The following CCNL1 variants were observed in gnomAD, a reference collection of about 807,000 sequenced individuals.
CCNL1 encodes the protein cyclin L1.
CCNL1 carries 13 observed loss-of-function variants against 60.6 expected under a neutral mutation model. The ratio of observed to expected loss-of-function variants is 0.21; its 90% confidence interval spans 0.14 to 0.34. The LOEUF (loss-of-function observed/expected upper bound fraction) is 0.34. Among genes scored for constraint, CCNL1 ranks in the 10% least tolerant of loss-of-function variants. The probability of loss-of-function intolerance (pLI) is 1.00; values close to 1 mark genes in which losing one functional copy is unlikely to be tolerated. For missense variants in CCNL1, 481 were observed against 664.3 expected, an observed-to-expected ratio of 0.72 and a Z score of 3.03; for synonymous variants, 270 against 244.3, an observed-to-expected ratio of 1.10 and a Z score of -0.98.
At chr3:157,151,121 T>A in intron 5 of CCNL1, 1 of 985,046 alleles carries the variant, frequency 1.0e-6, no homozygotes. Context: ...TCCTAAACCA[T>A]GAGAACTGCT....
chr3:157,154,604 CT>C (rs1159931789), intron 3 of CCNL1: 1 of 152,178 alleles, frequency 6.6e-6, no homozygotes, highest in African/African-American at 2.4e-5. Context: ...TTCATTACCC[CT>C]ATGGTAACAT....
downstream of CCNL1, chr3:157,146,581 C>A (rs540748234): frequency 1.2e-5 from 5 of 430,768 alleles, no homozygotes; most frequent in African/African-American, 8.5e-5. Context: ...TCGTGACCGA[C>A]CTGGGCAACG....
chr3:157,149,428 A>G, intron 9 of CCNL1, 43 bp from the exon 10 acceptor site: 1 of 1,604,774 alleles, frequency 6.2e-7, no homozygotes, highest in Non-Finnish European at 8.5e-7. Flanking sequence ...TTAGTGTGTT[A>G]AAAAGTAAAC....
chr3:157,150,528 ACTC>A, intron 5 of CCNL1, 147 bp from the exon 6 acceptor site: 2 of 1,384,556 alleles, frequency 1.4e-6, no homozygotes, highest in South Asian at 1.7e-5. Context: ...ACAACTCTTA[ACTC>A]AAAAAAATCA....
intron 2 of CCNL1, 49 bp from the exon 3 acceptor site, chr3:157,159,024 T>G (rs751280466): frequency 1.6e-6 from 2 of 1,248,612 alleles, no homozygotes; most frequent in African/African-American, 1.5e-5. Flanking sequence ...TAAACTCACT[T>G]TGAAGAATAA....
At chr3:157,154,716 CAAGAT>C (rs1467247844) in intron 3 of CCNL1, 1 of 152,032 alleles carries the variant, frequency 6.6e-6, no homozygotes, top group Non-Finnish European at 1.5e-5. Flanking sequence ...GCAGCGCTGA[CAAGAT>C]AAAAGACAGC....
rs1204172508 is a variant in CCNL1 at position 157,149,879 on chromosome 3, T to A, written c.978A>T (p.Pro326=). 6.2e-7 allele frequency: 1 copy of A among 1,614,048 alleles called. No homozygotes were observed. The highest frequency in any genetic ancestry group is 1.3e-5 in the African/African-American group (1 of 74,942). Residue 326 remains proline, a synonymous_variant, in exon 8 of 11, where the codon CCA becomes CCT. Transcript: ENST00000295926. ...AAAATCCACCCAGGGTTGAAAGGGCTGGAGTTCCATCCGGATTCAATCCCT... is the reference window on the plus strand; with the variant it reads ...AAAATCCACCCAGGGTTGAAAGGGCAGGAGTTCCATCCGGATTCAATCCCT... ...KAKGLNPDGT[P]ALSTLGGFSP...
intron 1 of CCNL1, 58 bp from the exon 2 acceptor site, chr3:157,159,537 C>T: frequency 6.7e-7 from 1 of 1,498,030 alleles, no homozygotes; most frequent in Non-Finnish European, 9.2e-7. Context: ...CTCCAGGCGC[C>T]GCCGCCATTT....
chr3:157,154,853 G>A (rs554108016), intron 3 of CCNL1, among the ~76,000 whole-genome samples: 1 of 152,134 alleles, frequency 6.6e-6, no homozygotes, highest in Non-Finnish European at 1.5e-5. Flanking sequence ...ATTTTATCAG[G>A]ACAGTAGGCT....
At chr3:157,156,943 T>C in intron 3 of CCNL1, 1 of 1,289,830 alleles carries the variant, frequency 7.8e-7, no homozygotes, top group South Asian at 1.2e-5. Context: ...AACCTGTTAG[T>C]CCCCGATTCC....
At chr3:157,156,687 T>C (rs994678090) in intron 3 of CCNL1, among the ~76,000 whole-genome samples, 3 of 152,224 alleles carry the variant, frequency 2.0e-5, no homozygotes, top group African/African-American at 7.2e-5. Context: ...ATGAATAATG[T>C]ATCTCCACTG....
intron 8 of CCNL1, 95 bp from the exon 9 acceptor site, chr3:157,149,691 T>A (rs1204531037): frequency 6.8e-7 from 1 of 1,465,764 alleles, no homozygotes; most frequent in Non-Finnish European, 9.3e-7. Context: ...ATGCTTCCGC[T>A]TCCATGTTGG....
At chr3:157,149,800 TG>T (rs770940911) in intron 8 of CCNL1, 35 bp downstream of exon 8, 1 of 1,592,674 alleles carries the variant, frequency 6.3e-7, no homozygotes, top group Non-Finnish European at 8.5e-7. Context: ...ACACTTTCAG[TG>T]CCCCCAAGTC....
At chr3:157,145,417 GAC>G (rs1198731794), downstream of CCNL1, among the ~76,000 whole-genome samples, 6 of 84,364 alleles carry the variant, frequency 7.1e-5, no homozygotes, top group Non-Finnish European at 1.3e-4. Context: ...CAGCCTGGGA[GAC>G]AGAGCGAGAC....
chr3:157,151,654 A>G (rs1211342896), intron 5 of CCNL1: 3 of 990,174 alleles, frequency 3.0e-6, no homozygotes, highest in Non-Finnish European at 3.6e-6. Flanking sequence ...CTGCACAACA[A>G]ATCTATCAAA....
At chr3:157,159,748 G>T (rs745424781) in intron 1 of CCNL1, 44 bp downstream of exon 1, 1 of 1,447,742 alleles carries the variant, frequency 6.9e-7, no homozygotes, top group Admixed American at 2.2e-5. Context: ...GGGGACGGAG[G>T]AGAGGAGAGG....
At chr3:157,150,592 G>A (rs1270173815) in intron 5 of CCNL1, 4 of 1,261,752 alleles carry the variant, frequency 3.2e-6, no homozygotes, top group Non-Finnish European at 4.0e-6. Flanking sequence ...TCCTATATAT[G>A]AGCGAAGCCC....
At chr3:157,157,514 G>C (rs576374365) in intron 3 of CCNL1, among the ~76,000 whole-genome samples, 125 of 152,314 alleles carry the variant, frequency 8.2e-4, no homozygotes, top group Non-Finnish European at 1.3e-3. Context: ...ACTAAAGATA[G>C]AGCCTTGTAT....
rs370547888 is a variant in CCNL1, at chr3:157,150,264, T to C, written c.774+18A>G. The C allele has an allele frequency of 1.9e-5, 30 of 1,612,802 alleles. No homozygotes were observed. Among genetic ancestry groups the C allele is most frequent in the African/African-American group, 2.7e-5 (2 of 74,860 alleles). On this transcript the variant is annotated intron_variant, in intron 6 of 10. Coordinates refer to ENST00000295926, the MANE Select transcript of CCNL1 (RefSeq NM_020307.4). ...GTGTGATTTATCCTACAGAACAAAA[T>C]GGGAAATATACACCTACCTGAAGTG...
Sources: gnomAD v4.1 joint callset for allele counts (sites outside exome capture counted in the v4.1 genomes callset) on GRCh38, gnomAD v4.1.1 for gene constraint, MANE v1.5 for transcripts, NCBI Gene and HGNC (gene_info 2026-07-23, HGNC 2026-07-21) for gene names.